AKT3: variants seen among roughly 807,000 people sequenced by gnomAD.
AKT3 encodes AKT serine/threonine kinase 3.
AKT3 carries 15 observed loss-of-function variants against 65.3 expected under a neutral mutation model. That is an observed-to-expected ratio of 0.23 (90% CI 0.15 to 0.35). The LOEUF (loss-of-function observed/expected upper bound fraction) is 0.35. Ranked by LOEUF, AKT3 falls within the 10% of genes least tolerant of loss-of-function variation. AKT3 has a pLI of 1.00. For synonymous variants in AKT3, 206 were observed against 183.8 expected, an observed-to-expected ratio of 1.12 and a Z score of -0.98; for missense variants, 243 against 576.5, an observed-to-expected ratio of 0.42 and a Z score of 5.92.
At chr1:243,830,777 A>G (rs1694458227) in intron 2 of AKT3, among the ~76,000 whole-genome samples, 1 of 152,174 alleles carries the variant, frequency 6.6e-6, no homozygotes, top group South Asian at 2.1e-4. Context: ...AATCTTCCAA[A>G]CCATAAAAAC....
chr1:243,736,940 T>C (rs1360348650), intron 2 of AKT3, among the ~76,000 whole-genome samples: 1 of 152,160 alleles, frequency 6.6e-6, no homozygotes, highest in African/African-American at 2.4e-5. Context: ...AAATAACATA[T>C]GTAAATTATC....
intron 2 of AKT3, among the ~76,000 whole-genome samples, chr1:243,779,718 A>G (rs1031679483): frequency 2.6e-5 from 4 of 152,194 alleles, no homozygotes; most frequent in Middle Eastern, 3.4e-3. Flanking sequence ...AGTTAATACT[A>G]TTTTCCACTA....
intron 1 of AKT3, chr1:243,843,656 G>GTTTTT: frequency 6.4e-6 from 4 of 627,944 alleles, no homozygotes; most frequent in Non-Finnish European, 7.8e-6. Context: ...TAAATTTTTT[G>GTTTTT]TTTTTTTTTT....
chr1:243,791,388 A>G lies in AKT3; in HGVS notation c.46+51737T>C, dbSNP rs1301599630. On this transcript the variant is annotated intron_variant, in intron 2 of 13. Transcript: ENST00000673466. ...GGCGAACTGCATACCTATTATCTCA[A>G]CTCCACTCCACTGGATAGAACATAC... 6.3e-4 allele frequency among the ~76,000 whole-genome samples: 95 copies of G among 151,964 alleles called. 1 individual carries two copies. Among genetic ancestry groups the G allele is most frequent in the East Asian group, 1.9e-4 (1 of 5,176 alleles).
At chr1:243,797,677 T>G (rs1252089997) in intron 2 of AKT3, among the ~76,000 whole-genome samples, 1 of 152,050 alleles carries the variant, frequency 6.6e-6, no homozygotes, top group Non-Finnish European at 1.5e-5. Flanking sequence ...GGTTAAACAG[T>G]GGGGAAGGTA....
chr1:243,655,992 C>A (rs1681756122), intron 4 of AKT3, among the ~76,000 whole-genome samples: 1 of 151,724 alleles, frequency 6.6e-6, no homozygotes, highest in African/African-American at 2.4e-5. Flanking sequence ...AAACAAAAGT[C>A]TTTTCCAGCT....
chr1:243,581,236 G>A (rs946158107), intron 8 of AKT3, among the ~76,000 whole-genome samples: 1 of 152,188 alleles, frequency 6.6e-6, no homozygotes, highest in Non-Finnish European at 1.5e-5. Flanking sequence ...TGCCATTCCT[G>A]CCCTCTGCCA....
At chr1:243,604,427 T>C (rs1677242076) in intron 8 of AKT3, among the ~76,000 whole-genome samples, 1 of 152,212 alleles carries the variant, frequency 6.6e-6, no homozygotes, top group South Asian at 2.1e-4. Context: ...GCAGACTCTC[T>C]GGCTTTCCTC....
intron 2 of AKT3, among the ~76,000 whole-genome samples, chr1:243,710,390 C>T (rs959629697): frequency 6.6e-6 from 1 of 152,172 alleles, no homozygotes; most frequent in East Asian, 1.9e-4. Flanking sequence ...GCATCCATCA[C>T]CATGTGCCAT....
intron 3 of AKT3, among the ~76,000 whole-genome samples, chr1:243,684,516 C>T (rs558639219): frequency 6.6e-6 from 1 of 152,288 alleles, no homozygotes; most frequent in Non-Finnish European, 1.5e-5. Context: ...CATAGTATTC[C>T]ATGGTATGTA....
chr1:243,613,315 T>C (rs1678042842), intron 8 of AKT3, among the ~76,000 whole-genome samples: 1 of 151,780 alleles, frequency 6.6e-6, no homozygotes, highest in Admixed American at 6.6e-5. Context: ...CTTTTGACCA[T>C]GTTCACAGCC....
At chr1:243,761,967 G>T (rs1034383934) in intron 2 of AKT3, among the ~76,000 whole-genome samples, 6 of 152,028 alleles carry the variant, frequency 3.9e-5, no homozygotes, top group African/African-American at 1.4e-4. Flanking sequence ...ATAAGAAATT[G>T]GGATGCTAGG....
At chr1:243,608,515 A>G (rs1677606780) in intron 8 of AKT3, among the ~76,000 whole-genome samples, 1 of 152,082 alleles carries the variant, frequency 6.6e-6, no homozygotes, top group South Asian at 2.1e-4. Context: ...GTGTGCTGCC[A>G]TTTTGGTATT....
At chr1:243,565,073 G>A (rs1275419714) in intron 9 of AKT3, among the ~76,000 whole-genome samples, 2 of 152,176 alleles carry the variant, frequency 1.3e-5, no homozygotes, top group South Asian at 4.1e-4. Context: ...GTTCAGAACA[G>A]ACAAAAGTCC....
rs555368260 is a variant in AKT3 at position 243,589,537 on chromosome 1, T to C, written c.697-16489A>G. Among the ~76,000 whole-genome samples, 8 of 152,140 alleles carry C rather than the reference T, an allele frequency of 5.3e-5. No individual in the cohort carries two copies. The South Asian group carries it at 1.2e-3, about 24-fold the overall frequency. ...ATTATAAAAAAGATGAGATAGCAAG[T>C]GCTGGTGAGGATGTGGAGAAAAGGG... On this transcript the variant is annotated intron_variant, in intron 8 of 13. Transcript: ENST00000673466.
In AKT3 at chr1:243,781,993, T is replaced by C. The variant is rs78112492; in HGVS notation, c.46+61132A>G. Among the ~76,000 whole-genome samples the C allele has an allele frequency of 7.0e-3, 1,067 of 152,220 alleles. 11 individuals are homozygous for C. Among genetic ancestry groups the C allele is most frequent in the African/African-American group, 0.025 (1,023 of 41,520 alleles). On this transcript the variant is annotated intron_variant, in intron 2 of 13. Transcript: ENST00000673466. The stretch of plus-strand genomic sequence containing the variant: ...GCACACCATCATGCCCAGCTAACTT[T>C]TGTATTTTTTGTAGAAGTGGAGTCT...
intron 8 of AKT3, among the ~76,000 whole-genome samples, chr1:243,583,519 G>A (rs758878850): frequency 1.5e-4 from 20 of 131,232 alleles, no homozygotes; most frequent in Non-Finnish European, 2.8e-4. Flanking sequence ...CTGACCACAT[G>A]CTCGTCCTTA....
At chr1:243,658,159 A>G (rs1345127759) in intron 4 of AKT3, among the ~76,000 whole-genome samples, 1 of 152,188 alleles carries the variant, frequency 6.6e-6, no homozygotes, top group Admixed American at 6.5e-5. Context: ...AGAACAAAAC[A>G]GAAAACTACA....
upstream of AKT3, chr1:243,850,979 C>T (rs1695763767): frequency 6.6e-6 from 1 of 152,166 alleles, no homozygotes; most frequent in African/African-American, 2.4e-5. Context: ...CGCGCGCCGC[C>T]AGGCCCCGGG....
Sources: allele counts gnomAD v4.1 joint callset (sites outside exome capture counted in the v4.1 genomes callset), GRCh38; gene constraint gnomAD v4.1.1; transcripts MANE v1.5; gene names NCBI Gene and HGNC (gene_info 2026-07-23, HGNC 2026-07-21).